The following ACSM5 variants were observed in gnomAD, a reference collection of about 807,000 sequenced individuals.
The protein encoded by ACSM5 is acyl-coenzyme A synthetase ACSM5, mitochondrial.
In ACSM5, 56 loss-of-function variants were observed where a neutral mutation model predicts 71.6. That is an observed-to-expected ratio of 0.78 (90% CI 0.63 to 0.98). The LOEUF is 0.98. Ranked by LOEUF, ACSM5 falls within the 50% of genes least tolerant of loss-of-function variation. The probability of loss-of-function intolerance (pLI) is 0.00; values close to 1 mark genes in which losing one functional copy is unlikely to be tolerated. For synonymous variants in ACSM5, 285 were observed against 281.5 expected, an observed-to-expected ratio of 1.01 and a Z score of -0.12; for missense variants, 723 against 726.0, an observed-to-expected ratio of 1.00 and a Z score of 0.05.
At position 20,429,750 on chromosome 16, in the gene ACSM5, G is replaced by C. The variant is rs1448861681; in HGVS notation, c.1074G>C (p.Trp358Cys). The C allele has an allele frequency of 1.2e-6, 2 of 1,611,008 alleles. No homozygotes were observed. The highest frequency in any genetic ancestry group is 3.3e-5 in the Admixed American group (2 of 59,728). The change falls in exon 8 of 14, where the codon TGG becomes TGC. Residue 358 changes from tryptophan to cysteine, a missense_variant. Physicochemically the swap from Trp to Cys is radical, Grantham distance 215 (BLOSUM62 -2). Transcript: ENST00000331849. ...TCAACCCTGACGTGAGGGAGAAGTG[G>C]AAACACCAGACTGGTGTGGAGCTGT... ...EALNPDVREK[W>C]KHQTGVELYE...
chr16:20,428,207 T>G (rs1225013349), intron 7 of ACSM5, among the ~76,000 whole-genome samples: 3 of 152,224 alleles, frequency 2.0e-5, no homozygotes, highest in African/African-American at 7.2e-5. Context: ...TGGGCTATTC[T>G]GTCAGCAGTG....
In ACSM5 at chr16:20,437,185, G is replaced by T; in HGVS notation, c.1436+6G>T. On this transcript the variant is annotated splice_donor_region_variant and intron_variant, in intron 11 of 13. Coordinates refer to ENST00000331849, the MANE Select transcript of ACSM5 (RefSeq NM_017888.3). ...GATGTGATCAATTCTTCAAGGTCAA[G>T]CTGTCTGCACTTTCCTCCTTCCTTT... 1 of 1,614,184 alleles carries T rather than the reference G, an allele frequency of 6.2e-7. No individual in the cohort carries two copies. The highest frequency in any genetic ancestry group is 1.1e-5 in the South Asian group (1 of 91,088).
chr16:20,421,634 TATATATATATATATATATATATACAC>T (rs1172601190), intron 5 of ACSM5, among the ~76,000 whole-genome samples: 1 of 140,856 alleles, frequency 7.1e-6, no homozygotes, highest in African/African-American at 2.8e-5. Flanking sequence ...TATATATATA[TATATATATATATATATATATATACAC>T]ACACACATAT....
rs79364355 is a variant in ACSM5 at position 20,431,286 on chromosome 16, C to A, written c.1273C>A (p.Pro425Thr). Residue 425 changes from proline to threonine, a missense_variant, in exon 10 of 14, where the codon CCC becomes ACC. Pro to Thr is a conservative substitution (Grantham distance 38). Coordinates refer to ENST00000331849, the MANE Select transcript of ACSM5 (RefSeq NM_017888.3). ...EEGNVAVRIR[P>T]TRPFCFFNCY... ...GGGGAATGTTGCCGTCCGTATCAGACCCACTCGGCCCTTCTGTTTCTTCAA... is the reference window on the plus strand; with the variant it reads ...GGGGAATGTTGCCGTCCGTATCAGAACCACTCGGCCCTTCTGTTTCTTCAA... The A allele has an allele frequency of 5.0e-6, 8 of 1,614,074 alleles. No individual in the cohort carries two copies. Among genetic ancestry groups the A allele is most frequent in the African/African-American group, 4.0e-5 (3 of 74,998 alleles).
intron 2 of ACSM5, chr16:20,412,107 A>C: frequency 1.7e-5 from 3 of 181,438 alleles, no homozygotes; most frequent in South Asian, 1.1e-4. Flanking sequence ...GCACTTTGGG[A>C]CACCGAGAAG....
intron 8 of ACSM5, 64 bp downstream of exon 8, chr16:20,429,865 G>C (rs1967060644): frequency 6.3e-7 from 1 of 1,580,862 alleles, no homozygotes; most frequent in Non-Finnish European, 8.6e-7. Flanking sequence ...TGCCTCTCCG[G>C]CTGTCACCTC....
At chr16:20,434,005 T>G (rs1317038536) in intron 10 of ACSM5, among the ~76,000 whole-genome samples, 1 of 152,174 alleles carries the variant, frequency 6.6e-6, no homozygotes, top group Non-Finnish European at 1.5e-5. Context: ...ATTCTTGATA[T>G]CGGTCCTTTG....
chr16:20,424,929 G>A (rs905897314), intron 6 of ACSM5, among the ~76,000 whole-genome samples: 2 of 152,242 alleles, frequency 1.3e-5, no homozygotes, highest in African/African-American at 4.8e-5. Context: ...GGCATGCAAT[G>A]CGTGAAAATC....
intron 2 of ACSM5, among the ~76,000 whole-genome samples, chr16:20,415,447 C>T (rs1348541241): frequency 1.3e-5 from 2 of 152,146 alleles, no homozygotes; most frequent in Non-Finnish European, 2.9e-5. Context: ...TGTGGAGGAG[C>T]CACTTCCCTA....
At chr16:20,419,737 T>C (rs28433917) in intron 4 of ACSM5, 4,707 of 425,418 alleles carry the variant, frequency 0.011, 184 homozygotes, top group African/African-American at 0.086. Context: ...ATTTAGCACA[T>C]AGCAGGTGGT....
Position 20,441,229 on chromosome 16 carries a change from G to T in ACSM5, c.*802G>T, listed in dbSNP as rs1321644225. 1.3e-5 allele frequency: 2 copies of T among 152,148 alleles called. No homozygotes were observed. The highest frequency in any genetic ancestry group is 1.5e-5 in the Non-Finnish European group (1 of 68,026). The allele number at this position is 152,148 out of a possible 1,614,324, so 9.4% of individuals were successfully genotyped here. A position where few individuals can be genotyped will look rare whatever the true frequency, so the allele number is the denominator to read the frequency against. The stretch of plus-strand genomic sequence containing the variant: ...TGAGGAGGGAGGGAGAGAAAATAAT[G>T]GATGGTAGTTTTTCTTCTTCCTTTT... On this transcript the variant is annotated 3_prime_UTR_variant, in exon 14 of 14. Coordinates refer to ENST00000331849, the MANE Select transcript of ACSM5 (RefSeq NM_017888.3).
At chr16:20,430,530 A>G (rs1264539894) in intron 8 of ACSM5, among the ~76,000 whole-genome samples, 1 of 152,086 alleles carries the variant, frequency 6.6e-6, no homozygotes, top group African/African-American at 2.4e-5. Context: ...GACAGGCAAG[A>G]AAGAGGGAAG....
In ACSM5 at chr16:20,430,997, T is replaced by A. The variant is rs371297917; in HGVS notation, c.1130T>A (p.Val377Asp). 5.6e-6 allele frequency: 9 copies of A among 1,612,602 alleles called. No homozygotes were observed. The highest frequency in any genetic ancestry group is 7.6e-6 in the Non-Finnish European group (9 of 1,179,322). The change falls in exon 9 of 14, where the codon GTC becomes GAC. Residue 377 changes from valine to aspartate, a missense_variant. Val to Asp is a radical substitution (Grantham distance 152, BLOSUM62 -3). Transcript: ENST00000331849. The part of the protein sequence containing the change: ...YEGYGQSETV[V>D]ICANPKGMKI... ...TCTGTACTGCGTTCTCCCCAGGTTG[T>A]CATCTGTGCCAATCCAAAAGGCATG... is the stretch of plus-strand genomic sequence containing the variant.
chr16:20,439,980 G>T, intron 13 of ACSM5, 61 bp downstream of exon 13: 7 of 1,601,362 alleles, frequency 4.4e-6, no homozygotes, highest in Non-Finnish European at 6.0e-6. Flanking sequence ...GCTCTGCCTG[G>T]GCTCCCACTC....
chr16:20,410,750 A>T (rs1187199171), intron 1 of ACSM5, among the ~76,000 whole-genome samples: 5 of 152,034 alleles, frequency 3.3e-5, no homozygotes, highest in East Asian at 3.9e-4. Flanking sequence ...TAAAAATTTT[A>T]AAAATAATAA....
intron 5 of ACSM5, 27 bp from the exon 6 acceptor site, chr16:20,423,889 T>G (rs377030385): frequency 5.6e-5 from 91 of 1,613,286 alleles, no homozygotes; most frequent in African/African-American, 5.2e-4. Context: ...ATTGCCAAGG[T>G]TACTGACGTT....
intron 10 of ACSM5, among the ~76,000 whole-genome samples, chr16:20,433,786 A>T (rs1045131174): frequency 6.6e-6 from 1 of 150,860 alleles, no homozygotes; most frequent in Admixed American, 6.6e-5. Context: ...TGATCCTCCC[A>T]CCTCAGCCTC....
intron 2 of ACSM5, among the ~76,000 whole-genome samples, chr16:20,412,557 A>G (rs960577976): frequency 4.0e-5 from 6 of 151,208 alleles, no homozygotes; most frequent in African/African-American, 1.5e-4. Flanking sequence ...GTTACCTTTT[A>G]TTTGTGTTAC....
In ACSM5 at chr16:20,440,417, G is replaced by T. The variant is rs756401316; in HGVS notation, c.1730G>T (p.Trp577Leu). 6.2e-7 allele frequency: 1 copy of T among 1,610,402 alleles called. No homozygotes were observed. ...AGGAGTAAATTGCGAAGTCAGGAGTGGGGGAAATGAGGTGCACCCCAGGAA... is the reference window on the plus strand; with the variant it reads ...AGGAGTAAATTGCGAAGTCAGGAGTTGGGGAAATGAGGTGCACCCCAGGAA... ...IQRSKLRSQE[W>L]GK Residue 577 changes from tryptophan to leucine, a missense_variant, in exon 14 of 14, where the codon TGG (tryptophan) becomes TTG (leucine). Trp to Leu is a moderately conservative substitution (Grantham distance 61, BLOSUM62 -2). Transcript: ENST00000331849.
Sources: gnomAD v4.1 joint callset for allele counts (sites outside exome capture counted in the v4.1 genomes callset) on GRCh38, gnomAD v4.1.1 for gene constraint, MANE v1.5 for transcripts, NCBI Gene and HGNC (gene_info 2026-07-23, HGNC 2026-07-21) for gene names.